The following EGFLAM variants were observed in gnomAD, a reference collection of about 807,000 sequenced individuals.
EGFLAM encodes pikachurin.
Under a neutral mutation model 113.1 loss-of-function variants are expected in EGFLAM, and 79 were observed. That is an observed-to-expected ratio of 0.70 (90% CI 0.58 to 0.84). The LOEUF is 0.84. Ranked by LOEUF, EGFLAM falls within the 40% of genes least tolerant of loss-of-function variation. The pLI, the probability that EGFLAM is intolerant of heterozygous loss-of-function variation, is 0.00. For missense variants in EGFLAM, 1,265 were observed against 1,291.6 expected, an observed-to-expected ratio of 0.98 and a Z score of 0.32; for synonymous variants, 504 against 487.6, an observed-to-expected ratio of 1.03 and a Z score of -0.44.
intron 1 of EGFLAM, among the ~76,000 whole-genome samples, chr5:38,320,238 A>T (rs1738704555): frequency 6.6e-6 from 1 of 152,214 alleles, no homozygotes; most frequent in South Asian, 2.1e-4. Context: ...ATATTAGACT[A>T]CACCACTGGT....
At chr5:38,330,438 C>A (rs960613858) in intron 1 of EGFLAM, among the ~76,000 whole-genome samples, 1 of 152,154 alleles carries the variant, frequency 6.6e-6, no homozygotes, top group African/African-American at 2.4e-5. Flanking sequence ...AAGGCAGAGG[C>A]TTCCTGGTTC....
In EGFLAM at chr5:38,464,134, G is replaced by A. The variant is rs913092947; in HGVS notation, c.*148G>A. 2 of 1,091,838 alleles carry A rather than the reference G, an allele frequency of 1.8e-6. No homozygotes were observed. The highest frequency in any genetic ancestry group is 2.6e-5 in the East Asian group (1 of 38,480). 67.6% of individuals were successfully genotyped at this position (1,091,838 alleles called of 1,614,324 possible). ...AAAGTACACACTGATGAGAAACTGA[G>A]AACCAAGACAGGCATCCCTGGGTGG... On this transcript the variant is annotated 3_prime_UTR_variant, in exon 22 of 22. Coordinates refer to ENST00000322350, the MANE Select transcript of EGFLAM (RefSeq NM_152403.4).
At position 38,451,343 on chromosome 5, in the gene EGFLAM, A is replaced by G. The variant is rs1742906171; in HGVS notation, c.2572A>G (p.Met858Val). 1 of 1,614,210 alleles carries G rather than the reference A, an allele frequency of 6.2e-7. No individual in the cohort carries two copies. Among genetic ancestry groups the G allele is most frequent in the Non-Finnish European group, 8.5e-7 (1 of 1,180,008 alleles). Reference sequence around the variant, plus strand: ...GTCAGGATCAAGATCAAATGTGTTCATGAGGTTTAAAACAACTGCCAAGGA... The same window carrying G: ...GTCAGGATCAAGATCAAATGTGTTCGTGAGGTTTAAAACAACTGCCAAGGA... Reference protein sequence around the residue: ...RVSGSRSNVFMRFKTTAKDGL... With the variant: ...RVSGSRSNVFVRFKTTAKDGL... Residue 858 changes from methionine (M) to valine (V), a missense_variant, in exon 19 of 22, where the codon ATG becomes GTG. By Grantham distance (21) the Met-to-Val change is conservative (BLOSUM62 1). Coordinates refer to ENST00000322350, the MANE Select transcript of EGFLAM (RefSeq NM_152403.4).
At chr5:38,271,178 G>A (rs1462471881) in intron 1 of EGFLAM, among the ~76,000 whole-genome samples, 1 of 152,134 alleles carries the variant, frequency 6.6e-6, no homozygotes, top group Non-Finnish European at 1.5e-5. Context: ...GGCCACTATA[G>A]TAGTAATAGA....
intron 5 of EGFLAM, among the ~76,000 whole-genome samples, chr5:38,352,874 A>G (rs970287689): frequency 5.9e-5 from 9 of 152,178 alleles, no homozygotes; most frequent in Admixed American, 5.9e-4. Context: ...CCCTGGCACA[A>G]TCAGAGACTA....
intron 6 of EGFLAM, among the ~76,000 whole-genome samples, chr5:38,374,145 G>C (rs1740302843): frequency 6.6e-6 from 1 of 151,972 alleles, no homozygotes; most frequent in Non-Finnish European, 1.5e-5. Flanking sequence ...ATTTTTTCTT[G>C]AGTTTTTGGC....
chr5:38,419,376 A>G (rs754014043), intron 12 of EGFLAM, among the ~76,000 whole-genome samples: 1 of 152,112 alleles, frequency 6.6e-6, no homozygotes. Flanking sequence ...TCACATCCTC[A>G]TGACTTTGTC....
intron 1 of EGFLAM, among the ~76,000 whole-genome samples, chr5:38,324,714 C>A (rs1738832937): frequency 6.6e-6 from 1 of 152,070 alleles, no homozygotes; most frequent in African/African-American, 2.4e-5. Context: ...GCTGCAGAAG[C>A]TGTGGAAAGG....
In EGFLAM at chr5:38,408,960, G is replaced by A. The variant is rs376500024; in HGVS notation, c.1249-44G>A. On this transcript the variant is annotated intron_variant, in intron 9 of 21. Coordinates refer to ENST00000322350, the MANE Select transcript of EGFLAM (RefSeq NM_152403.4). ...TTTCCAGGTGGTGCCTTAAGGAAGG[G>A]GAGGTGCTTACTGTTCATGTGGCTT... 1.3e-5 allele frequency: 19 copies of A among 1,483,478 alleles called. No individual in the cohort carries two copies. In the South Asian group the frequency reaches 1.7e-4, roughly 13 times the overall value. 91.9% of individuals were successfully genotyped at this position (1,483,478 alleles called of 1,614,324 possible).
intron 6 of EGFLAM, among the ~76,000 whole-genome samples, chr5:38,384,106 G>A (rs1458753086): frequency 1.3e-5 from 2 of 152,218 alleles, no homozygotes; most frequent in South Asian, 4.2e-4. Flanking sequence ...CTGCAGTGGT[G>A]GAGCTCACTG....
At chr5:38,261,788 T>C (rs187844271) in intron 1 of EGFLAM, among the ~76,000 whole-genome samples, 3 of 152,272 alleles carry the variant, frequency 2.0e-5, no homozygotes, top group East Asian at 3.9e-4. Flanking sequence ...AGCTACTGTC[T>C]ACTGGCCTCA....
Position 38,350,692 on chromosome 5 carries a change from G to A in EGFLAM, c.409+74G>A, listed in dbSNP as rs549799999. 4.5e-5 allele frequency: 63 copies of A among 1,392,992 alleles called. 1 individual carries two copies. The South Asian group carries it at 7.5e-4, about 17-fold the overall frequency. The allele number at this position is 1,392,992 out of a possible 1,614,324, so 86.3% of individuals were successfully genotyped here. A position where few individuals can be genotyped will look rare whatever the true frequency, so the allele number is the denominator to read the frequency against. On this transcript the variant is annotated intron_variant, in intron 4 of 21. Transcript: ENST00000322350. ...ATCCTTCATTCAGCAAATATCAATA[G>A]GGACTTACTATGTGCCAAGCACTGT...
chr5:38,325,029 C>T (rs1204110908), intron 1 of EGFLAM, among the ~76,000 whole-genome samples: 4 of 152,132 alleles, frequency 2.6e-5, no homozygotes, highest in Non-Finnish European at 4.4e-5. Flanking sequence ...GTCCACCTGG[C>T]AGTTGGGTAC....
At chr5:38,266,945 C>G (rs1757647962) in intron 1 of EGFLAM, among the ~76,000 whole-genome samples, 1 of 152,184 alleles carries the variant, frequency 6.6e-6, no homozygotes, top group Non-Finnish European at 1.5e-5. Context: ...CTCACTCAGT[C>G]CATTTCCTAT....
At chr5:38,297,016 G>T (rs1235236033) in intron 1 of EGFLAM, among the ~76,000 whole-genome samples, 1 of 152,134 alleles carries the variant, frequency 6.6e-6, no homozygotes, top group Admixed American at 6.5e-5. Flanking sequence ...AAAAATGTGT[G>T]AAAGTCATGA....
intron 1 of EGFLAM, among the ~76,000 whole-genome samples, chr5:38,283,619 G>T (rs1443405938): frequency 6.6e-6 from 1 of 152,154 alleles, no homozygotes; most frequent in African/African-American, 2.4e-5. Flanking sequence ...CAAGTCACTT[G>T]TCTGAGGTCA....
intron 1 of EGFLAM, among the ~76,000 whole-genome samples, chr5:38,303,860 G>A (rs889441718): frequency 1.3e-5 from 2 of 152,110 alleles, no homozygotes; most frequent in African/African-American, 2.4e-5. Context: ...TATAGCCTTG[G>A]CATGGTGGCT....
intron 3 of EGFLAM, among the ~76,000 whole-genome samples, chr5:38,340,424 T>A (rs1484988507): frequency 2.0e-5 from 3 of 152,182 alleles, no homozygotes; most frequent in Non-Finnish European, 4.4e-5. Context: ...GGCATTAGAG[T>A]ATGCTATCAA....
At chr5:38,426,522 A>G (rs1460727609) in intron 13 of EGFLAM, among the ~76,000 whole-genome samples, 1 of 152,230 alleles carries the variant, frequency 6.6e-6, no homozygotes, top group Non-Finnish European at 1.5e-5. Flanking sequence ...CTCAAATCTC[A>G]TGTCACCTAA....
Sources: gnomAD v4.1 joint callset for allele counts (sites outside exome capture counted in the v4.1 genomes callset) on GRCh38, gnomAD v4.1.1 for gene constraint, MANE v1.5 for transcripts, NCBI Gene and HGNC (gene_info 2026-07-23, HGNC 2026-07-21) for gene names.